The following CEP152 variants were observed in gnomAD, a reference collection of about 807,000 sequenced individuals.
The protein encoded by CEP152 is centrosomal protein 152.
In CEP152, 132 loss-of-function variants were observed where a neutral mutation model predicts 188.9. The observed-to-expected ratio is 0.70, with a 90% CI of 0.61 to 0.81. The LOEUF (loss-of-function observed/expected upper bound fraction) is 0.81, where lower values mean the gene tolerates loss of function less well. Ranked by LOEUF, CEP152 falls within the 30% of genes least tolerant of loss-of-function variation. CEP152 has a pLI of 0.00. For missense variants in CEP152, 1,914 were observed against 1,969.8 expected (o/e 0.97, Z 0.54); for synonymous variants, 649 against 666.6 (o/e 0.97, Z 0.41).
intron 19 of CEP152, 95 bp downstream of exon 19, chr15:48,760,040 C>A: frequency 2.6e-6 from 4 of 1,526,186 alleles, no homozygotes; most frequent in Non-Finnish European, 3.6e-6. Context: ...TATCCTTCAA[C>A]AATTCTATGA....
intron 10 of CEP152, 151 bp from the exon 11 acceptor site, chr15:48,782,381 C>G (rs1896312995): frequency 1.4e-6 from 1 of 705,268 alleles, no homozygotes; most frequent in Non-Finnish European, 2.5e-6. Context: ...CCCATGGGAC[C>G]CAGAAGGCAT....
intron 6 of CEP152, among the ~76,000 whole-genome samples, chr15:48,794,980 G>A (rs1375058282): frequency 6.6e-6 from 1 of 152,116 alleles, no homozygotes; most frequent in East Asian, 1.9e-4. Context: ...TTTCTCTTTG[G>A]TATAGCCCAG....
intron 19 of CEP152, among the ~76,000 whole-genome samples, chr15:48,758,953 T>G (rs1894477534): frequency 6.6e-6 from 1 of 152,152 alleles, no homozygotes; most frequent in Admixed American, 6.5e-5. Flanking sequence ...TGTTTTATTT[T>G]CTACATTGTA....
chr15:48,783,414 T>C (rs1896403080), intron 10 of CEP152: 1 of 152,042 alleles, frequency 6.6e-6, no homozygotes, highest in Admixed American at 6.6e-5. Flanking sequence ...ATGAAAGAAG[T>C]TATACAAAGG....
In CEP152 at chr15:48,784,009, C is replaced by T. The variant is rs1896452965; in HGVS notation, c.1285G>A (p.Glu429Lys). 1 of 1,613,634 alleles carries T rather than the reference C, an allele frequency of 6.2e-7. No homozygotes were observed. ...AAGTGGGCACACTGCTTTTGACTCT[C>T]CTCTAGACTTCTTGTCAACTTATTA... ...IINKLTRSLE[E>K]SQKQCAHLLQ... The change falls in exon 10 of 27, where the codon GAG becomes AAG. Residue 429 changes from glutamate (E) to lysine (K), a missense_variant. Glu to Lys is a moderately conservative substitution (Grantham distance 56). Transcript: ENST00000380950.
chr15:48,772,337 G>A, intron 13 of CEP152, 150 bp downstream of exon 13: 1 of 681,960 alleles, frequency 1.5e-6, no homozygotes, highest in Non-Finnish European at 2.5e-6. Flanking sequence ...CTTTAGCCTG[G>A]GAGGTTGAGG....
intron 2 of CEP152, among the ~76,000 whole-genome samples, chr15:48,732,797 T>C (rs1231112616): frequency 6.6e-6 from 1 of 152,148 alleles, no homozygotes; most frequent in Non-Finnish European, 1.5e-5. Context: ...TTTGTAGCTA[T>C]TTTTAAACAA....
At chr15:48,765,424 T>G (rs900879870) in intron 17 of CEP152, among the ~76,000 whole-genome samples, 2 of 150,394 alleles carry the variant, frequency 1.3e-5, no homozygotes, top group African/African-American at 2.4e-5. Context: ...CTAAGTTTGG[T>G]TTTTTTTTGA....
chr15:48,778,441 A>G (rs189520119), intron 12 of CEP152, among the ~76,000 whole-genome samples: 75 of 152,310 alleles, frequency 4.9e-4, no homozygotes, highest in Non-Finnish European at 9.0e-4. Flanking sequence ...ACGAAGCCAA[A>G]ATATCATCTA....
chr15:48,786,873 C>T (rs959217881), intron 9 of CEP152, among the ~76,000 whole-genome samples: 1 of 151,930 alleles, frequency 6.6e-6, no homozygotes, highest in African/African-American at 2.4e-5. Flanking sequence ...ATGCAGTGGG[C>T]ACAGGGGTAG....
At position 48,795,992 on chromosome 15, in the gene CEP152, T is replaced by C. The variant is rs779833331; in HGVS notation, c.691+18A>G. 3 of 1,610,550 alleles carry C rather than the reference T, an allele frequency of 1.9e-6. No individual in the cohort carries two copies. Among genetic ancestry groups the C allele is most frequent in the Non-Finnish European group, 8.5e-7 (1 of 1,177,096 alleles). On this transcript the variant is annotated intron_variant, in intron 6 of 26. Coordinates refer to ENST00000380950, the MANE Select transcript of CEP152 (RefSeq NM_001194998.2). The stretch of plus-strand genomic sequence containing the variant: ...CAATTATGTGGTATTAAAAAATAAA[T>C]ATAAACTTGATACCTACTCTCATTA...
At chr15:48,810,103 A>G (rs1898232316) in intron 1 of CEP152, 1 of 152,222 alleles carries the variant, frequency 6.6e-6, no homozygotes. Context: ...TGAAGGTATA[A>G]GGTGATAATA....
Position 48,784,039 on chromosome 15 carries a change from T to C in CEP152, c.1255A>G (p.Ile419Val), listed in dbSNP as rs762142940. 1.2e-6 allele frequency: 2 copies of C among 1,613,856 alleles called. No individual in the cohort carries two copies. The highest frequency in any genetic ancestry group is 2.2e-5 in the South Asian group (2 of 91,070). ...AGACTTCTTGTCAACTTATTAATGA[T>C]CTCAGTCTTTTCTAACTTGATTGCT... is the stretch of plus-strand genomic sequence containing the variant. Reference protein sequence around the residue: ...QEAIKLEKTEIINKLTRSLEE... With the variant: ...QEAIKLEKTEVINKLTRSLEE... Residue 419 changes from isoleucine to valine, a missense_variant, in exon 10 of 27, where the codon ATC becomes GTC. Transcript: ENST00000380950.
At position 48,767,358 on chromosome 15, in the gene CEP152, A is replaced by G. The variant is rs1380298033; in HGVS notation, c.2124T>C (p.Tyr708=). The part of the protein sequence containing the change: ...ALEKQQLFEA[Y]ERTHLQLRSE... ...ACCTCAGTTGCAAATGAGTTCTCTC[A>G]TAAGCCTCAAAGAGCTGCTGCTTCT... is the stretch of plus-strand genomic sequence containing the variant. The change falls in exon 16 of 27, where the codon TAT becomes TAC. Residue 708 remains tyrosine (Y), a synonymous_variant. Transcript: ENST00000380950. 7.4e-6 allele frequency: 12 copies of G among 1,614,106 alleles called. No individual in the cohort carries two copies. The highest frequency in any genetic ancestry group is 4.5e-5 in the East Asian group (2 of 44,896).
intron 1 of CEP152, among the ~76,000 whole-genome samples, chr15:48,806,471 C>CA (rs1418117924): frequency 1.3e-5 from 2 of 151,304 alleles, no homozygotes; most frequent in East Asian, 1.9e-4. Flanking sequence ...ACAATCACAA[C>CA]AAAAAAGTAG....
At chr15:48,736,164 C>A (rs1266575883), downstream of CEP152, among the ~76,000 whole-genome samples, 2 of 152,188 alleles carry the variant, frequency 1.3e-5, no homozygotes, top group African/African-American at 4.8e-5. Context: ...GCACCACCCC[C>A]ACCACCAGCC....
intron 21 of CEP152, among the ~76,000 whole-genome samples, chr15:48,749,297 A>G (rs1893706722): frequency 6.6e-6 from 1 of 152,060 alleles, no homozygotes; most frequent in Non-Finnish European, 1.5e-5. Context: ...AACTGGGATA[A>G]ATAGAGGGAG....
intron 22 of CEP152, among the ~76,000 whole-genome samples, chr15:48,746,017 CT>C (rs1173822312): frequency 2.0e-5 from 3 of 152,138 alleles, no homozygotes; most frequent in Admixed American, 1.3e-4. Context: ...TCTATTCCCC[CT>C]GGTGATGGAT....
intron 21 of CEP152, 78 bp from the exon 22 acceptor site, chr15:48,748,688 G>C (rs1362246679): frequency 2.8e-5 from 35 of 1,236,718 alleles, no homozygotes; most frequent in Non-Finnish European, 3.5e-5. Context: ...AAAAAAGACA[G>C]AAAGAAAAGC....
Sources: allele counts gnomAD v4.1 joint callset (sites outside exome capture counted in the v4.1 genomes callset), GRCh38; gene constraint gnomAD v4.1.1; transcripts MANE v1.5; gene names NCBI Gene and HGNC (gene_info 2026-07-23, HGNC 2026-07-21).